The following TUBAL3 variants were observed in gnomAD, a reference collection of about 807,000 sequenced individuals.
The protein encoded by TUBAL3 is tubulin alpha chain-like 3.
Under a neutral mutation model 15.5 loss-of-function variants are expected in TUBAL3, and 16 were observed. The ratio of observed to expected loss-of-function variants is 1.04; its 90% CI spans 0.70 to 1.57. TUBAL3 has a LOEUF of 1.57. Among genes scored for constraint, TUBAL3 ranks in the 40% most tolerant of loss-of-function variants. The pLI, the probability that TUBAL3 is intolerant of heterozygous loss-of-function variation, is 0.00. For synonymous variants in TUBAL3, 238 were observed against 224.3 expected (o/e 1.06, Z -0.55); for missense variants, 609 against 576.2 (o/e 1.06, Z -0.58).
chr10:5,393,278 C>T lies in TUBAL3; in HGVS notation c.*239G>A. Reference sequence around the variant, plus strand: ...CCCACCTAGAAGTGACTCAGCAGTTCAAAGGACTCTAAGCTTCCAAAGGCT... The same window carrying T: ...CCCACCTAGAAGTGACTCAGCAGTTTAAAGGACTCTAAGCTTCCAAAGGCT... On this transcript the variant is annotated 3_prime_UTR_variant, in exon 4 of 4. Coordinates refer to ENST00000380419, the MANE Select transcript of TUBAL3 (RefSeq NM_024803.3). 1 of 439,718 alleles carries T rather than the reference C, an allele frequency of 2.3e-6. No homozygotes were observed. The highest frequency in any genetic ancestry group is 4.0e-6 in the Non-Finnish European group (1 of 250,816). The allele number at this position is 439,718 out of a possible 1,614,324, so 27.2% of individuals were successfully genotyped here. A position where few individuals can be genotyped will look rare whatever the true frequency, so the allele number is the denominator to read the frequency against.
At chr10:5,402,243 C>T (rs573991044) in intron 1 of TUBAL3, among the ~76,000 whole-genome samples, 29 of 152,062 alleles carry the variant, frequency 1.9e-4, no homozygotes, top group African/African-American at 6.8e-4. Flanking sequence ...AGGCAAACAA[C>T]TATTCTGTTA....
rs782131174 is a variant in TUBAL3 at position 5,394,417 on chromosome 10, G to C, written c.441C>G (p.Ser147Arg). 1.9e-6 allele frequency: 3 copies of C among 1,612,766 alleles called. No individual in the cohort carries two copies. The South Asian group carries it at 3.3e-5, about 18-fold the overall frequency. ...ACCCTGAACCAGTGCCTCCTCCAAA[G>C]CTTCGGAAAATCAAAAATCCCTGAA... The part of the protein sequence containing the change: ...GGLQGFLIFR[S>R]FGGGTGSGFT... Residue 147 changes from serine to arginine, a missense_variant, in exon 4 of 4, where the codon AGC (serine) becomes AGG (arginine). Ser to Arg is a moderately radical substitution (Grantham distance 110, BLOSUM62 -1). Transcript: ENST00000380419. The surrounding 1 kb of genome is among the most constrained non-coding windows in gnomAD (Gnocchi z 4.3).
chr10:5,395,253 T>A lies in TUBAL3; in HGVS notation c.396+74A>T, dbSNP rs974309653. On this transcript the variant is annotated intron_variant, in intron 3 of 3. Coordinates refer to ENST00000380419, the MANE Select transcript of TUBAL3 (RefSeq NM_024803.3). This position sits in a 1 kb window ranked among gnomAD's most constrained non-coding sequence, Gnocchi z 4.6. ...TGGTGGCGATGGTGACAGCAGATAATGCTTGTGAGTTCTGCCGCAGGACCC... is the reference window on the plus strand; with the variant it reads ...TGGTGGCGATGGTGACAGCAGATAAAGCTTGTGAGTTCTGCCGCAGGACCC... The A allele has an allele frequency of 7.3e-7, 1 of 1,373,972 alleles. No individual in the cohort carries two copies. Among genetic ancestry groups the A allele is most frequent in the Non-Finnish European group, 9.6e-7 (1 of 1,043,140 alleles). The allele number at this position is 1,373,972 out of a possible 1,614,324, so 85.1% of individuals were successfully genotyped here.
chr10:5,398,627 T>C (rs1003139265), intron 2 of TUBAL3, among the ~76,000 whole-genome samples: 10 of 151,642 alleles, frequency 6.6e-5, no homozygotes, highest in Non-Finnish European at 1.3e-4. Flanking sequence ...ACAAACATAT[T>C]GGATGACTCC....
chr10:5,401,962 T>C (rs1311689547), intron 1 of TUBAL3, among the ~76,000 whole-genome samples: 4 of 152,146 alleles, frequency 2.6e-5, no homozygotes, highest in Non-Finnish European at 5.9e-5. Flanking sequence ...TGACATGTTA[T>C]GCAACCCTTA....
Position 5,395,004 on chromosome 10 carries a change from G to A in TUBAL3, c.396+323C>T, listed in dbSNP as rs1277539154. The stretch of plus-strand genomic sequence containing the variant: ...TAAACATCAGTTACTCTTGGAAAAT[G>A]ACAGGTTACTCTTGGAAAGTGACAG... On this transcript the variant is annotated intron_variant, in intron 3 of 3. Coordinates refer to ENST00000380419, the MANE Select transcript of TUBAL3 (RefSeq NM_024803.3). The surrounding 1 kb of genome is among the most constrained non-coding windows in gnomAD (Gnocchi z 4.6). Among the ~76,000 whole-genome samples, 1 of 152,168 alleles carries A rather than the reference G, an allele frequency of 6.6e-6. No homozygotes were observed. The highest frequency in any genetic ancestry group is 1.5e-5 in the Non-Finnish European group (1 of 68,022).
intron 2 of TUBAL3, among the ~76,000 whole-genome samples, chr10:5,399,269 C>T (rs927738255): frequency 1.3e-5 from 2 of 152,204 alleles, no homozygotes; most frequent in Non-Finnish European, 2.9e-5. Flanking sequence ...GCTGTGTCCC[C>T]CCACAATTCA....
At position 5,393,441 on chromosome 10, in the gene TUBAL3, C is replaced by T. The variant is rs918408743; in HGVS notation, c.*76G>A. The T allele has an allele frequency of 1.5e-6, 2 of 1,327,068 alleles. No individual in the cohort carries two copies. Among genetic ancestry groups the T allele is most frequent in the Non-Finnish European group, 1.0e-6 (1 of 970,056 alleles). The allele number at this position is 1,327,068 out of a possible 1,614,324, so 82.2% of individuals were successfully genotyped here. On this transcript the variant is annotated 3_prime_UTR_variant, in exon 4 of 4. Transcript: ENST00000380419. ...TTTTTCTGCTCATCAGGGGAACTACCCACTAGGCATATAACGGCTTGAAAA... is the reference window on the plus strand; with the variant it reads ...TTTTTCTGCTCATCAGGGGAACTACTCACTAGGCATATAACGGCTTGAAAA...
chr10:5,397,462 G>A lies in TUBAL3; in HGVS notation c.248-1987C>T, dbSNP rs1831781416. Among the ~76,000 whole-genome samples the A allele has an allele frequency of 6.6e-6, 1 of 152,068 alleles. No individual in the cohort carries two copies. The highest frequency in any genetic ancestry group is 2.1e-4 in the South Asian group (1 of 4,826). On this transcript the variant is annotated intron_variant, in intron 2 of 3. Coordinates refer to ENST00000380419, the MANE Select transcript of TUBAL3 (RefSeq NM_024803.3). This position sits in a 1 kb window ranked among gnomAD's most constrained non-coding sequence, Gnocchi z 4.9. ...CATTCAGGCTAAGAAGGTAATTTAC[G>A]GAAGCTTCCTTCTTCATGACAATGT...
At position 5,393,531 on chromosome 10, in the gene TUBAL3, C is replaced by T. The variant is rs782468316; in HGVS notation, c.1327G>A (p.Ala443Thr). The stretch of plus-strand genomic sequence containing the variant: ...TCATACATGCCTCAGAAACTTTGCG[C>T]CACTTCCTCATAGTCCCTCTCCAGG... ...AALERDYEEV[A>T]QSF The change falls in exon 4 of 4, where the codon GCG (alanine) becomes ACG (threonine). Residue 443 changes from alanine (A) to threonine (T), a missense_variant. By Grantham distance (58) the Ala-to-Thr change is moderately conservative. Coordinates refer to ENST00000380419, the MANE Select transcript of TUBAL3 (RefSeq NM_024803.3). The T allele has an allele frequency of 7.5e-6, 12 of 1,603,616 alleles. No homozygotes were observed. Among genetic ancestry groups the T allele is most frequent in the African/African-American group, 2.7e-5 (2 of 74,560 alleles).
At position 5,395,596 on chromosome 10, in the gene TUBAL3, C is replaced by G; in HGVS notation, c.248-121G>C. 8.8e-7 allele frequency: 1 copy of G among 1,137,268 alleles called. No homozygotes were observed. The highest frequency in any genetic ancestry group is 2.7e-4 in the Middle Eastern group (1 of 3,662). The allele number at this position is 1,137,268 out of a possible 1,614,324, so 70.4% of individuals were successfully genotyped here. A position where few individuals can be genotyped will look rare whatever the true frequency, so the allele number is the denominator to read the frequency against. ...CCATGCTTTCTCTCAATATTGTGGT[C>G]CAGGAATGGAATTTAGATAGTGCTG... On this transcript the variant is annotated intron_variant, in intron 2 of 3. Coordinates refer to ENST00000380419, the MANE Select transcript of TUBAL3 (RefSeq NM_024803.3). The surrounding 1 kb of genome is among the most constrained non-coding windows in gnomAD (Gnocchi z 4.6).
chr10:5,398,138 T>C (rs1831791562), intron 2 of TUBAL3, among the ~76,000 whole-genome samples: 1 of 151,998 alleles, frequency 6.6e-6, no homozygotes, highest in South Asian at 2.1e-4. Flanking sequence ...AACAAAAAAT[T>C]GGCCGGGTGC....
At chr10:5,398,045 G>A (rs562577980) in intron 2 of TUBAL3, among the ~76,000 whole-genome samples, 1 of 152,304 alleles carries the variant, frequency 6.6e-6, no homozygotes, top group Non-Finnish European at 1.5e-5. Flanking sequence ...CCAGCACTTT[G>A]GGAGGCCAAG....
intron 1 of TUBAL3, among the ~76,000 whole-genome samples, chr10:5,403,269 C>T (rs1333320661): frequency 3.9e-5 from 6 of 152,212 alleles, no homozygotes. Context: ...TTATTCCTCT[C>T]CCCTTCTGTC....
intron 1 of TUBAL3, among the ~76,000 whole-genome samples, chr10:5,403,965 G>T (rs1389282689): frequency 6.6e-6 from 1 of 152,138 alleles, no homozygotes; most frequent in African/African-American, 2.4e-5. Context: ...AAGATCCCTT[G>T]CATCCGTTAC....
At position 5,397,226 on chromosome 10, in the gene TUBAL3, G is replaced by A. The variant is rs2119142479; in HGVS notation, c.248-1751C>T. ...GCACGATTGTTTTTCAATTCACCGT[G>A]CCTTCCGTGCGTGACCATGAATTTC... On this transcript the variant is annotated intron_variant, in intron 2 of 3. Coordinates refer to ENST00000380419, the MANE Select transcript of TUBAL3 (RefSeq NM_024803.3). This position sits in a 1 kb window ranked among gnomAD's most constrained non-coding sequence, Gnocchi z 4.9. 6.6e-6 allele frequency among the ~76,000 whole-genome samples: 1 copy of A among 152,272 alleles called. No homozygotes were observed. The highest frequency in any genetic ancestry group is 1.9e-4 in the East Asian group (1 of 5,190).
rs890446022 is a variant in TUBAL3, at chr10:5,396,473, A to G, written c.248-998T>C. Among the ~76,000 whole-genome samples, 15 of 152,146 alleles carry G rather than the reference A, an allele frequency of 9.9e-5. No homozygotes were observed. Among genetic ancestry groups the G allele is most frequent in the African/African-American group, 3.1e-4 (13 of 41,412 alleles). On this transcript the variant is annotated intron_variant, in intron 2 of 3. Transcript: ENST00000380419. This position sits in a 1 kb window ranked among gnomAD's most constrained non-coding sequence, Gnocchi z 5.1. ...AGTGGAGATCACGCCATCGCACTCC[A>G]GCCTGGGCAACAAGAGTGAAATTCT...
In TUBAL3 at chr10:5,396,120, C is replaced by A. The variant is rs782348811; in HGVS notation, c.248-645G>T. ...GCAGATGGGTATGAATTTGGGGGGACACACTTCAACCCACTGCCCACCCTA... is the reference window on the plus strand; with the variant it reads ...GCAGATGGGTATGAATTTGGGGGGAAACACTTCAACCCACTGCCCACCCTA... On this transcript the variant is annotated intron_variant, in intron 2 of 3. Transcript: ENST00000380419. This position sits in a 1 kb window ranked among gnomAD's most constrained non-coding sequence, Gnocchi z 5.1. 1.3e-5 allele frequency among the ~76,000 whole-genome samples: 2 copies of A among 152,164 alleles called. No homozygotes were observed. Among genetic ancestry groups the A allele is most frequent in the Non-Finnish European group, 2.9e-5 (2 of 68,026 alleles).
At position 5,395,326 on chromosome 10, in the gene TUBAL3, C is replaced by A; in HGVS notation, c.396+1G>T. The A allele has an allele frequency of 6.5e-7, 1 of 1,538,910 alleles. No individual in the cohort carries two copies. On this transcript the variant is annotated splice_donor_variant, in intron 3 of 3. Transcript: ENST00000380419. LOFTEE classifies it high-confidence loss of function. The surrounding 1 kb of genome is among the most constrained non-coding windows in gnomAD (Gnocchi z 4.6). ...CTCGGAGGAGAGGGGGAGCCACTTG[C>A]CAGCTTCCGGGTCCTCTCCAGCACA... is the stretch of plus-strand genomic sequence containing the variant.
Sources: gnomAD v4.1 joint callset for allele counts (sites outside exome capture counted in the v4.1 genomes callset) on GRCh38, gnomAD v4.1.1 for gene constraint, Gnocchi (gnomAD v3.1) non-coding constraint, MANE v1.5 for transcripts, NCBI Gene and HGNC (gene_info 2026-07-23, HGNC 2026-07-21) for gene names.